The following SARDH variants were observed in gnomAD, a reference collection of about 807,000 sequenced individuals.
SARDH encodes sarcosine dehydrogenase.
SARDH carries 95 observed loss-of-function variants against 109.1 expected under a neutral mutation model. The ratio of observed to expected loss-of-function variants is 0.87; its 90% CI spans 0.74 to 1.03. SARDH has a LOEUF of 1.03. Ranked by LOEUF, SARDH falls within the 50% of genes least tolerant of loss-of-function variation. The pLI is 0.00. For missense variants in SARDH, 1,267 were observed against 1,287.8 expected (o/e 0.98, Z 0.25); for synonymous variants, 572 against 534.8 (o/e 1.07, Z -0.96).
chr9:133,671,473 C>T (rs1830344305), intron 18 of SARDH, 62 bp downstream of exon 18: 9 of 1,481,580 alleles, frequency 6.1e-6, no homozygotes, highest in African/African-American at 1.4e-5. Flanking sequence ...CCAGGTGTCT[C>T]GAGCGTCACT....
chr9:133,682,654 G>A (rs1020304250), intron 17 of SARDH, among the ~76,000 whole-genome samples: 4 of 151,150 alleles, frequency 2.6e-5, no homozygotes, highest in Non-Finnish European at 5.9e-5. Flanking sequence ...CACGCGCAGT[G>A]ATGGTTGGAA....
downstream of SARDH, among the ~76,000 whole-genome samples, chr9:133,662,747 G>A (rs1442530787): frequency 2.0e-5 from 3 of 152,172 alleles, no homozygotes; most frequent in Admixed American, 2.0e-4. The surrounding 1 kb of genome is among the most constrained non-coding windows in gnomAD (Gnocchi z 5.1). Flanking sequence ...TGGGGCCCCG[G>A]CTCCACGATA....
chr9:133,669,404 A>G (rs137994561), intron 19 of SARDH, among the ~76,000 whole-genome samples: 291 of 143,896 alleles, frequency 2.0e-3, no homozygotes, highest in Non-Finnish European at 3.6e-3. Flanking sequence ...GAGAAGTGGC[A>G]GTGTTTGCAG....
chr9:133,678,638 C>A (rs936632366), intron 17 of SARDH, among the ~76,000 whole-genome samples: 2 of 152,158 alleles, frequency 1.3e-5, no homozygotes, highest in African/African-American at 4.8e-5. Context: ...CACGGAGAGG[C>A]CAAGGGGGAG....
rs538396864 is a variant in SARDH at position 133,709,411 on chromosome 9, C to T, written c.1329-983G>A. ...GCCCAGCTGCATCAGGGCCCTGCAG[C>T]CGCCTCCCACGCACAAACCTCCCTG... On this transcript the variant is annotated intron_variant, in intron 10 of 20. Coordinates refer to ENST00000439388, the MANE Select transcript of SARDH (RefSeq NM_001134707.2). This position sits in a 1 kb window ranked among gnomAD's most constrained non-coding sequence, Gnocchi z 4.2. 6.6e-6 allele frequency among the ~76,000 whole-genome samples: 1 copy of T among 152,230 alleles called. No individual in the cohort carries two copies. Among genetic ancestry groups the T allele is most frequent in the East Asian group, 1.9e-4 (1 of 5,162 alleles).
At position 133,663,674 on chromosome 9, in the gene SARDH, G is replaced by A. The variant is rs1829957199; in HGVS notation, c.*215C>T. 2 of 619,744 alleles carry A rather than the reference G, an allele frequency of 3.2e-6. No individual in the cohort carries two copies. Among genetic ancestry groups the A allele is most frequent in the Admixed American group, 2.9e-5 (1 of 34,228 alleles). 38.4% of individuals were successfully genotyped at this position (619,744 alleles called of 1,614,324 possible). A position where few individuals can be genotyped will look rare whatever the true frequency, so the allele number is the denominator to read the frequency against. The stretch of plus-strand genomic sequence containing the variant: ...TACAGGTTTGCTTTCTGGGAGGATT[G>A]GGGTGGATTAGAGACTGCCTTCCAG... On this transcript the variant is annotated 3_prime_UTR_variant, in exon 21 of 21. Transcript: ENST00000439388.
downstream of SARDH, among the ~76,000 whole-genome samples, chr9:133,661,845 C>T (rs949004600): frequency 4.6e-5 from 7 of 152,230 alleles, no homozygotes; most frequent in African/African-American, 1.7e-4. Context: ...CCACAGTGAG[C>T]GTCATGGTAT....
At chr9:133,674,866 T>A (rs1830463475) in intron 17 of SARDH, among the ~76,000 whole-genome samples, 1 of 151,938 alleles carries the variant, frequency 6.6e-6, no homozygotes, top group Non-Finnish European at 1.5e-5. Context: ...AAAGCAAAAG[T>A]CAGATGGAAG....
Position 133,705,021 on chromosome 9 carries a change from C to A in SARDH, c.1481G>T (p.Gly494Val). 6.3e-7 allele frequency: 1 copy of A among 1,590,936 alleles called. No homozygotes were observed. The highest frequency in any genetic ancestry group is 8.5e-7 in the Non-Finnish European group (1 of 1,169,682). Reference sequence around the variant, plus strand: ...CCGCTCCTGGAACACGCAGCCTTGTCCAAGGAGTTCCTGAGCAGGAGTGGG... The same window carrying A: ...CCGCTCCTGGAACACGCAGCCTTGTACAAGGAGTTCCTGAGCAGGAGTGGG... Reference protein sequence around the residue: ...RRDPLHEELLGQGCVFQERHG... With the variant: ...RRDPLHEELLVQGCVFQERHG... The change falls in exon 12 of 21, where the codon GGA becomes GTA. Residue 494 changes from glycine to valine, a missense_variant. Transcript: ENST00000439388.
Position 133,709,209 on chromosome 9 carries a change from C to A in SARDH, c.1329-781G>T, listed in dbSNP as rs1363705742. 6.6e-6 allele frequency among the ~76,000 whole-genome samples: 1 copy of A among 152,198 alleles called. No homozygotes were observed. Among genetic ancestry groups the A allele is most frequent in the African/African-American group, 2.4e-5 (1 of 41,446 alleles). On this transcript the variant is annotated intron_variant, in intron 10 of 20. Coordinates refer to ENST00000439388, the MANE Select transcript of SARDH (RefSeq NM_001134707.2). This position sits in a 1 kb window ranked among gnomAD's most constrained non-coding sequence, Gnocchi z 4.2. ...TGGTGTCCAGCACGAACCCGGCGGGCCCCATGCTATTTCTCATGGAGCTAC... is the reference window on the plus strand; with the variant it reads ...TGGTGTCCAGCACGAACCCGGCGGGACCCATGCTATTTCTCATGGAGCTAC...
intron 12 of SARDH, 66 bp from the exon 13 acceptor site, chr9:133,703,095 G>A: frequency 7.0e-7 from 1 of 1,419,818 alleles, no homozygotes; most frequent in Non-Finnish European, 9.7e-7. Flanking sequence ...TCCCCAGAGC[G>A]GGGTCCCGCT....
At chr9:133,726,833 T>C (rs1832510081) in intron 6 of SARDH, among the ~76,000 whole-genome samples, 1 of 152,196 alleles carries the variant, frequency 6.6e-6, no homozygotes, top group African/African-American at 2.4e-5. Context: ...CCCTCTGTCC[T>C]TGTCCTTGTC....
rs924039332 is a variant in SARDH at position 133,695,581 on chromosome 9, T to C, written c.1807+642A>G. Among the ~76,000 whole-genome samples the C allele has an allele frequency of 5.3e-5, 8 of 152,310 alleles. No homozygotes were observed. The East Asian group carries it at 1.2e-3, about 22-fold the overall frequency. On this transcript the variant is annotated intron_variant, in intron 14 of 20. Coordinates refer to ENST00000439388, the MANE Select transcript of SARDH (RefSeq NM_001134707.2). ...CAGCTGGAAGAGCAAGGAAGGGTCC[T>C]CTGCAGAGTGTCAGGTACAGACACC... is the stretch of plus-strand genomic sequence containing the variant.
At chr9:133,670,288 C>T (rs1394069660) in intron 19 of SARDH, among the ~76,000 whole-genome samples, 2 of 150,190 alleles carry the variant, frequency 1.3e-5, no homozygotes, top group Non-Finnish European at 3.0e-5. Context: ...GAGATTGCGC[C>T]ACTGCACTCC....
chr9:133,670,121 G>C (rs1273713268), intron 19 of SARDH, among the ~76,000 whole-genome samples: 1 of 152,172 alleles, frequency 6.6e-6, no homozygotes, highest in East Asian at 1.9e-4. Flanking sequence ...GAGGTCAGGA[G>C]AGTTCAAGAC....
intron 19 of SARDH, among the ~76,000 whole-genome samples, chr9:133,668,357 CTCTCCCTCACCCTCAT>C (rs1280472722): frequency 1.6e-5 from 2 of 122,532 alleles, no homozygotes; most frequent in African/African-American, 3.4e-5. Context: ...CTCACCCTCC[CTCTCCCTCACCCTCAT>C]TCTCCCTCAG....
Position 133,729,749 on chromosome 9 carries a change from G to A in SARDH, c.915+16C>T, listed in dbSNP as rs771138873. 29 of 1,606,898 alleles carry A rather than the reference G, an allele frequency of 1.8e-5. No homozygotes were observed. In the East Asian group the frequency reaches 5.6e-4, roughly 31 times the overall value. ...CCCCCCACAGACTGACACAGAACCC[G>A]GGGCTGTCCACCTACCTGAATCCCC... On this transcript the variant is annotated intron_variant, in intron 6 of 20. Transcript: ENST00000439388.
intron 16 of SARDH, among the ~76,000 whole-genome samples, chr9:133,687,266 G>T (rs1830918952): frequency 6.6e-6 from 1 of 152,142 alleles, no homozygotes; most frequent in African/African-American, 2.4e-5. Flanking sequence ...TATTGGTTTT[G>T]GTTTGTTTTG....
intron 14 of SARDH, among the ~76,000 whole-genome samples, chr9:133,695,122 G>A (rs10993767): frequency 0.019 from 2,944 of 152,292 alleles, 85 homozygotes; most frequent in African/African-American, 0.065. Flanking sequence ...GTTAAAGTGA[G>A]GTCATGAGTG....
Sources: gnomAD v4.1 joint callset for allele counts (sites outside exome capture counted in the v4.1 genomes callset) on GRCh38, gnomAD v4.1.1 for gene constraint, Gnocchi (gnomAD v3.1) non-coding constraint, MANE v1.5 for transcripts, NCBI Gene and HGNC (gene_info 2026-07-23, HGNC 2026-07-21) for gene names.